The following PCDH11X variants were observed in gnomAD, a reference collection of about 807,000 sequenced individuals.
PCDH11X encodes the protein protocadherin-11 X-linked.
Under a neutral mutation model 53.3 loss-of-function variants are expected in PCDH11X, and 18 were observed. The observed-to-expected ratio is 0.34, with a 90% CI of 0.23 to 0.50. The LOEUF is 0.50. PCDH11X is among the 20% of genes least tolerant of loss of function. The pLI is 0.98. For synonymous variants in PCDH11X, 279 were observed against 393.3 expected, an observed-to-expected ratio of 0.71 and a Z score of 3.44; for missense variants, 570 against 1,032.4, an observed-to-expected ratio of 0.55 and a Z score of 6.14.
chrX:92,541,106 G>A (rs1056237512), intron 10 of PCDH11X, among the ~76,000 whole-genome samples: 4 of 109,747 alleles, frequency 3.6e-5, no homozygotes, highest in African/African-American at 1.3e-4. Flanking sequence ...CCAGCCTAGC[G>A]CTTGGAGTTG....
chrX:92,246,176 T>G (rs780427623), intron 7 of PCDH11X, among the ~76,000 whole-genome samples: 1 of 111,733 alleles, frequency 8.9e-6, no homozygotes, highest in Non-Finnish European at 1.9e-5. Flanking sequence ...ATAATATTCA[T>G]CTACTCATAA....
intron 6 of PCDH11X, among the ~76,000 whole-genome samples, chrX:92,078,477 A>G (rs758752957): frequency 1.6e-4 from 18 of 111,268 alleles, no homozygotes; most frequent in Non-Finnish European, 3.0e-4. Flanking sequence ...ATTTGCAGGG[A>G]TAACATCTTC....
At chrX:92,227,432 C>T (rs938123593) in intron 7 of PCDH11X, among the ~76,000 whole-genome samples, 1 of 111,114 alleles carries the variant, frequency 9.0e-6, no homozygotes, top group Admixed American at 9.7e-5. Context: ...TGACAATGTT[C>T]CTGGTTATGC....
At position 92,330,137 on chromosome X, in the gene PCDH11X, T is replaced by TA. The variant is rs1255064490; in HGVS notation, c.3145-57589dup. Among the ~76,000 whole-genome samples the TA allele has an allele frequency of 1.8e-4, 20 of 108,430 alleles. No individual in the cohort carries two copies. The South Asian group carries it at 2.7e-3, about 15-fold the overall frequency. The allele number at this position is 108,430 out of a possible 115,157, so 94.2% of individuals were successfully genotyped here. ...ACTATATACCCGCAAATTAAAAATTTAAAAAAAAACTTAGAATGAAAAGAC... is the reference window on the plus strand; with the variant it reads ...ACTATATACCCGCAAATTAAAAATTTAAAAAAAAAACTTAGAATGAAAAGAC... On this transcript the variant is annotated intron_variant, in intron 8 of 10. Coordinates refer to ENST00000682573, the MANE Select transcript of PCDH11X (RefSeq NM_032968.5).
At chrX:92,565,283 G>A (rs1921332692) in intron 10 of PCDH11X, among the ~76,000 whole-genome samples, 1 of 92,072 alleles carries the variant, frequency 1.1e-5, no homozygotes, top group South Asian at 5.1e-4. Context: ...CTACTGCTGG[G>A]TACACACCCA....
At chrX:91,819,147 C>A (rs1602282244) in intron 4 of PCDH11X, among the ~76,000 whole-genome samples, 1 of 109,136 alleles carries the variant, frequency 9.2e-6, no homozygotes, top group East Asian at 2.9e-4. Context: ...ATTATATTAC[C>A]CCTTTGAAGG....
chrX:91,952,864 A>G (rs2061658585), intron 6 of PCDH11X, among the ~76,000 whole-genome samples: 1 of 112,163 alleles, frequency 8.9e-6, no homozygotes, highest in Admixed American at 9.5e-5. Flanking sequence ...GCCATCAAAA[A>G]GAATGAGATC....
At chrX:92,244,116 C>A (rs1412213300) in intron 7 of PCDH11X, among the ~76,000 whole-genome samples, 3 of 109,422 alleles carry the variant, frequency 2.7e-5, no homozygotes, top group Non-Finnish European at 5.7e-5. Flanking sequence ...GAGTCTGATC[C>A]CATGAGCCTA....
chrX:92,348,212 G>T (rs2069949660), intron 8 of PCDH11X, among the ~76,000 whole-genome samples: 1 of 111,634 alleles, frequency 9.0e-6, no homozygotes, highest in Non-Finnish European at 1.9e-5. Flanking sequence ...GACGTCTGTT[G>T]GTGAAGTTCT....
chrX:92,034,325 T>C (rs2063095656), intron 6 of PCDH11X, among the ~76,000 whole-genome samples: 1 of 110,984 alleles, frequency 9.0e-6, no homozygotes, highest in Non-Finnish European at 1.9e-5. Flanking sequence ...ATCTGTCCAG[T>C]GCTAAAAGTG....
chrX:92,070,545 C>G (rs2063684997), intron 6 of PCDH11X, among the ~76,000 whole-genome samples: 1 of 111,464 alleles, frequency 9.0e-6, no homozygotes, highest in South Asian at 3.7e-4. Flanking sequence ...TGTATTGGAG[C>G]TTCAATGTAT....
At chrX:92,358,145 A>G (rs1411934443) in intron 8 of PCDH11X, among the ~76,000 whole-genome samples, 1 of 105,047 alleles carries the variant, frequency 9.5e-6, no homozygotes, top group Non-Finnish European at 1.9e-5. Context: ...ATAAGCAAAC[A>G]GTTGTAGATC....
intron 6 of PCDH11X, among the ~76,000 whole-genome samples, chrX:92,150,409 T>C: frequency 9.1e-6 from 1 of 110,465 alleles, no homozygotes; most frequent in East Asian, 2.8e-4. Flanking sequence ...AAATGTCTGT[T>C]TACTTTTTTC....
intron 6 of PCDH11X, among the ~76,000 whole-genome samples, chrX:92,188,864 G>T (rs185312325): frequency 9.0e-6 from 1 of 111,016 alleles, no homozygotes; most frequent in African/African-American, 3.3e-5. Context: ...CTTTCTTTGT[G>T]ATAATATGTG....
At chrX:92,333,788 C>T (rs1245488317) in intron 8 of PCDH11X, among the ~76,000 whole-genome samples, 132 of 109,649 alleles carry the variant, frequency 1.2e-3, no homozygotes, top group African/African-American at 4.2e-3. Context: ...AAGCAACACA[C>T]ACTTATTAAC....
At chrX:92,166,883 G>C (rs2065741553) in intron 6 of PCDH11X, among the ~76,000 whole-genome samples, 1 of 111,160 alleles carries the variant, frequency 9.0e-6, no homozygotes, top group Non-Finnish European at 1.9e-5. Context: ...GGTGGACAGA[G>C]TCCCCATCAC....
In PCDH11X at chrX:92,580,834, A is replaced by G. The variant is rs766608380; in HGVS notation, c.3368-37430A>G. Among the ~76,000 whole-genome samples, 10 of 111,247 alleles carry G rather than the reference A, an allele frequency of 9.0e-5. No homozygotes were observed. The East Asian group carries it at 2.6e-3, about 29-fold the overall frequency. On this transcript the variant is annotated intron_variant, in intron 10 of 10. Transcript: ENST00000682573. ...ATGATTTCCCGAGTTCGGTAACACAATCACTCACTGCCTCTCTTGGGTGGA... is the reference window on the plus strand; with the variant it reads ...ATGATTTCCCGAGTTCGGTAACACAGTCACTCACTGCCTCTCTTGGGTGGA...
chrX:92,375,681 G>A (rs1165913667), intron 8 of PCDH11X, among the ~76,000 whole-genome samples: 1 of 109,944 alleles, frequency 9.1e-6, no homozygotes, highest in Non-Finnish European at 1.9e-5. Flanking sequence ...CTGGAGTGCA[G>A]TGGCTCAATC....
intron 6 of PCDH11X, among the ~76,000 whole-genome samples, chrX:91,892,498 A>G (rs1391257681): frequency 2.7e-5 from 3 of 110,337 alleles, no homozygotes; most frequent in Admixed American, 9.8e-5. Flanking sequence ...CTACCTTGCC[A>G]TGCACCTCAT....
Sources: gnomAD v4.1 joint callset for allele counts (sites outside exome capture counted in the v4.1 genomes callset) on GRCh38, gnomAD v4.1.1 for gene constraint, MANE v1.5 for transcripts, NCBI Gene and HGNC (gene_info 2026-07-23, HGNC 2026-07-21) for gene names.